The following DIAPH2 variants were observed in gnomAD, a reference collection of about 807,000 sequenced individuals.
DIAPH2 encodes the protein protein diaphanous homolog 2.
In DIAPH2, 35 loss-of-function variants were observed where a neutral mutation model predicts 92.7. That is an observed-to-expected ratio of 0.38 (90% confidence interval 0.29 to 0.50). The LOEUF (loss-of-function observed/expected upper bound fraction) is 0.50, where lower values mean the gene tolerates loss of function less well. Among genes scored for constraint, DIAPH2 ranks in the 20% least tolerant of loss-of-function variants. DIAPH2 has a pLI of 0.94. For synonymous variants in DIAPH2, 301 were observed against 280.4 expected (o/e 1.07, Z -0.73); for missense variants, 701 against 819.5 (o/e 0.86, Z 1.77).
rs951023218 is a variant in DIAPH2, at chrX:96,739,853, A to C, written c.342+1091A>C. Among the ~76,000 whole-genome samples, 18 of 111,258 alleles carry C rather than the reference A, an allele frequency of 1.6e-4. 1 individual carries two copies. Among genetic ancestry groups the C allele is most frequent in the African/African-American group, 5.6e-4 (17 of 30,506 alleles). On this transcript the variant is annotated intron_variant, in intron 3 of 26. Transcript: ENST00000324765. Reference sequence around the variant, plus strand: ...CCTTTCGTGCTATCTTCTTTAAACCATCTTTCAACAACCTTTTCTCTTTTG... The same window carrying C: ...CCTTTCGTGCTATCTTCTTTAAACCCTCTTTCAACAACCTTTTCTCTTTTG...
chrX:97,560,565 T>C (rs2071287079), intron 26 of DIAPH2, among the ~76,000 whole-genome samples: 1 of 111,732 alleles, frequency 8.9e-6, no homozygotes, highest in Non-Finnish European at 1.9e-5. Context: ...CAGTCTCGGC[T>C]CACTGCAGCC....
intron 25 of DIAPH2, among the ~76,000 whole-genome samples, chrX:97,411,413 G>T (rs938813894): frequency 8.9e-6 from 1 of 111,931 alleles, no homozygotes. Flanking sequence ...CACTAAGCAT[G>T]GAAAGGAACA....
intron 17 of DIAPH2, among the ~76,000 whole-genome samples, chrX:96,975,911 T>C (rs2065957244): frequency 9.0e-6 from 1 of 111,318 alleles, no homozygotes; most frequent in Non-Finnish European, 1.9e-5. Context: ...GTGTGTAGGT[T>C]GGAACATATG....
Position 97,114,279 on chromosome X carries a change from A to G in DIAPH2, c.2350-447A>G, listed in dbSNP as rs747806059. 4.3e-3 allele frequency among the ~76,000 whole-genome samples: 486 copies of G among 112,178 alleles called. 1 individual carries two copies. The highest frequency in any genetic ancestry group is 0.014 in the African/African-American group (445 of 30,960). On this transcript the variant is annotated intron_variant, in intron 20 of 26. Coordinates refer to ENST00000324765, the MANE Select transcript of DIAPH2 (RefSeq NM_006729.5). ...AGCTAGTCTTCTGATTTCAAACAGC[A>G]TAGTAATAGGTAATTTCTTAGGAAA...
chrX:96,786,425 C>T (rs935771113), intron 4 of DIAPH2, among the ~76,000 whole-genome samples: 1 of 111,767 alleles, frequency 8.9e-6, no homozygotes, highest in Non-Finnish European at 1.9e-5. Flanking sequence ...ATTGTAAACA[C>T]ATTTTGCAAC....
chrX:97,259,308 C>T (rs965210999), intron 23 of DIAPH2, among the ~76,000 whole-genome samples: 1 of 110,726 alleles, frequency 9.0e-6, no homozygotes, highest in African/African-American at 3.3e-5. Context: ...GCCTGTGTGA[C>T]AGCATGGGAC....
chrX:96,689,577 C>G (rs1182762705), intron 1 of DIAPH2, among the ~76,000 whole-genome samples: 1 of 110,018 alleles, frequency 9.1e-6, no homozygotes, highest in Non-Finnish European at 1.9e-5. Flanking sequence ...CCTTGCCTCT[C>G]CTTAGTACCA....
intron 22 of DIAPH2, among the ~76,000 whole-genome samples, chrX:97,153,755 G>A (rs1363007964): frequency 1.2e-4 from 13 of 110,749 alleles, no homozygotes; most frequent in African/African-American, 4.3e-4. Flanking sequence ...TAATCATGAA[G>A]GCTCATGTTA....
rs774191606 is a variant in DIAPH2 at position 96,748,952 on chromosome X, A to G, written c.343-9202A>G. Among the ~76,000 whole-genome samples the G allele has an allele frequency of 2.7e-5, 3 of 110,368 alleles. No homozygotes were observed. In the East Asian group the frequency reaches 8.5e-4, roughly 31 times the overall value. On this transcript the variant is annotated intron_variant, in intron 3 of 26. Coordinates refer to ENST00000324765, the MANE Select transcript of DIAPH2 (RefSeq NM_006729.5). Reference sequence around the variant, plus strand: ...AGTTTTGCTGAATGTATCCACGCCCATTTGTTTATGTATTGTCTATAGCTC... The same window carrying G: ...AGTTTTGCTGAATGTATCCACGCCCGTTTGTTTATGTATTGTCTATAGCTC...
intron 26 of DIAPH2, among the ~76,000 whole-genome samples, chrX:97,552,917 T>C (rs1479245086): frequency 9.0e-6 from 1 of 111,656 alleles, no homozygotes; most frequent in East Asian, 2.8e-4. Context: ...CTGAGCCCTC[T>C]GTCCTTGGCC....
At chrX:96,893,966 C>T (rs2065325044) in intron 5 of DIAPH2, among the ~76,000 whole-genome samples, 1 of 112,123 alleles carries the variant, frequency 8.9e-6, no homozygotes, top group African/African-American at 3.2e-5. Context: ...AAGTGTATAG[C>T]CTCTCACACC....
intron 25 of DIAPH2, among the ~76,000 whole-genome samples, chrX:97,419,949 G>A (rs753170256): frequency 5.4e-5 from 6 of 111,165 alleles, no homozygotes; most frequent in East Asian, 2.8e-4. Context: ...TAAGACACAC[G>A]GAGTATTTCA....
At chrX:97,347,373 G>C (rs749785847) in intron 23 of DIAPH2, among the ~76,000 whole-genome samples, 2 of 109,885 alleles carry the variant, frequency 1.8e-5, no homozygotes, top group East Asian at 5.7e-4. Context: ...ACAGGCATGA[G>C]CCACTGCACC....
At chrX:96,802,980 T>G (rs1253446702) in intron 4 of DIAPH2, among the ~76,000 whole-genome samples, 2 of 111,281 alleles carry the variant, frequency 1.8e-5, no homozygotes. Context: ...AGACAGATGA[T>G]GGCCGGACGA....
At chrX:97,301,466 G>A (rs2147627508) in intron 23 of DIAPH2, among the ~76,000 whole-genome samples, 1 of 111,700 alleles carries the variant, frequency 9.0e-6, no homozygotes, top group East Asian at 2.8e-4. Context: ...GCTGAGACAT[G>A]TGAAGGAGTG....
chrX:97,093,040 C>T (rs1194336114), intron 19 of DIAPH2, among the ~76,000 whole-genome samples: 5 of 85,939 alleles, frequency 5.8e-5, no homozygotes, highest in African/African-American at 1.4e-4. Flanking sequence ...TTTTAAAAAT[C>T]AGCCAGGCCT....
chrX:97,063,463 A>G (rs1415064867), intron 17 of DIAPH2, among the ~76,000 whole-genome samples: 1 of 111,992 alleles, frequency 8.9e-6, no homozygotes, highest in Non-Finnish European at 1.9e-5. Context: ...TAAGGATGGG[A>G]TGGTAGAAAC....
intron 4 of DIAPH2, among the ~76,000 whole-genome samples, chrX:96,825,036 C>T (rs1028502897): frequency 9.2e-6 from 1 of 108,192 alleles, no homozygotes; most frequent in Non-Finnish European, 1.9e-5. Context: ...ACCTCCGACT[C>T]CCAGGTTCAA....
At chrX:97,146,002 T>TC in intron 22 of DIAPH2, among the ~76,000 whole-genome samples, 1 of 82,393 alleles carries the variant, frequency 1.2e-5, no homozygotes, top group African/African-American at 3.9e-5. Flanking sequence ...TCCTTTTTCT[T>TC]CTTCCTTTTT....
Sources: allele counts gnomAD v4.1 joint callset (sites outside exome capture counted in the v4.1 genomes callset), GRCh38; gene constraint gnomAD v4.1.1; transcripts MANE v1.5; gene names NCBI Gene and HGNC (gene_info 2026-07-23, HGNC 2026-07-21).